Variants in PSD3 observed in about 807,000 individuals in gnomAD.
The protein encoded by PSD3 is pleckstrin and Sec7 domain containing 3, also known as PH and SEC7 domain-containing protein 3.
In PSD3, 49 loss-of-function variants were observed where a neutral mutation model predicts 105.5. The observed-to-expected ratio is 0.46, with a 90% CI of 0.37 to 0.59. PSD3 has a LOEUF of 0.59. Ranked by LOEUF, PSD3 falls within the 20% of genes least tolerant of loss-of-function variation. The pLI, the probability that PSD3 is intolerant of heterozygous loss-of-function variation, is 0.00. For synonymous variants in PSD3, 557 were observed against 457.8 expected (o/e 1.22, Z -2.77); for missense variants, 1,561 against 1,263.8 (o/e 1.24, Z -3.57).
At chr8:18,910,060 T>C (rs1403889242) in intron 2 of PSD3, among the ~76,000 whole-genome samples, 1 of 152,136 alleles carries the variant, frequency 6.6e-6, no homozygotes, top group Non-Finnish European at 1.5e-5. Flanking sequence ...CTCCCCTCCC[T>C]GAATGCCCTG....
At chr8:18,912,922 A>C (rs1372426187) in intron 2 of PSD3, among the ~76,000 whole-genome samples, 1 of 152,076 alleles carries the variant, frequency 6.6e-6, no homozygotes, top group African/African-American at 2.4e-5. Flanking sequence ...AAAAGCCCCA[A>C]GTGGGCTGCT....
chr8:18,949,852 T>A (rs1239516616), intron 1 of PSD3, among the ~76,000 whole-genome samples: 1 of 142,972 alleles, frequency 7.0e-6, no homozygotes, highest in Non-Finnish European at 1.5e-5. Context: ...TAACACTATC[T>A]CTCGTCTTGA....
chr8:18,614,338 C>CA (rs1805491459), intron 11 of PSD3, among the ~76,000 whole-genome samples: 3 of 148,844 alleles, frequency 2.0e-5, no homozygotes, highest in Admixed American at 6.7e-5. Context: ...CCTTCTCCCC[C>CA]ATCCCCCCCC....
intron 1 of PSD3, among the ~76,000 whole-genome samples, chr8:18,954,832 C>G (rs948171926): frequency 6.6e-6 from 1 of 152,136 alleles, no homozygotes. Context: ...GGACCACACA[C>G]TGAGAAACAC....
chr8:19,053,699 G>A (rs372275816), intron 1 of PSD3, among the ~76,000 whole-genome samples: 11 of 152,210 alleles, frequency 7.2e-5, no homozygotes, highest in African/African-American at 2.6e-4. Context: ...GGCTGAGGCA[G>A]GAGAATTGCA....
chr8:18,911,266 G>C (rs1820204314), intron 2 of PSD3, among the ~76,000 whole-genome samples: 1 of 152,160 alleles, frequency 6.6e-6, no homozygotes, highest in South Asian at 2.1e-4. Flanking sequence ...AATAAAGCCA[G>C]AGAAGTTAAA....
At chr8:18,666,348 G>T (rs1799451442) in intron 9 of PSD3, among the ~76,000 whole-genome samples, 2 of 152,230 alleles carry the variant, frequency 1.3e-5, no homozygotes, top group African/African-American at 4.8e-5. Flanking sequence ...ACCTCACCCA[G>T]CTGTGTAAAC....
At chr8:18,853,737 G>C (rs763889325) in intron 4 of PSD3, among the ~76,000 whole-genome samples, 5 of 152,144 alleles carry the variant, frequency 3.3e-5, no homozygotes, top group African/African-American at 4.8e-5. Context: ...ACATGACTAA[G>C]CTCAAATTAG....
intron 4 of PSD3, among the ~76,000 whole-genome samples, chr8:18,843,254 G>C (rs372209208): frequency 6.6e-6 from 1 of 151,740 alleles, no homozygotes; most frequent in African/African-American, 2.4e-5. Context: ...CCAGCTATTC[G>C]GGAGGCTGAG....
At chr8:18,679,221 T>C (rs1037759551) in intron 9 of PSD3, among the ~76,000 whole-genome samples, 2 of 152,214 alleles carry the variant, frequency 1.3e-5, no homozygotes, top group Non-Finnish European at 2.9e-5. Context: ...AAAGGGCCAT[T>C]GTAATGATTT....
chr8:18,810,023 C>T (rs1253361804), intron 4 of PSD3, among the ~76,000 whole-genome samples: 1 of 152,092 alleles, frequency 6.6e-6, no homozygotes, highest in Non-Finnish European at 1.5e-5. Flanking sequence ...AAGCTGACCC[C>T]AATTTCTTTT....
rs575649317 is a variant in PSD3, at chr8:18,575,147, C to T, written c.2620G>A (p.Val874Ile). Reference sequence around the variant, plus strand: ...ACATACTGAGTTTGAAAAAGCAAGACCCTCCAGTCGGCAGTTTTAAGTTTA... The same window carrying T: ...ACATACTGAGTTTGAAAAAGCAAGATCCTCCAGTCGGCAGTTTTAAGTTTA... Reference protein sequence around the residue: ...VFKLKTADWRVLLFQTQSPEE... With the variant: ...VFKLKTADWRILLFQTQSPEE... Residue 874 changes from valine (V) to isoleucine (I), a missense_variant, in exon 13 of 16, where the codon GTC becomes ATC. By Grantham distance (29) the Val-to-Ile change is conservative. Transcript: ENST00000327040. 17 of 1,612,804 alleles carry T rather than the reference C, an allele frequency of 1.1e-5. No individual in the cohort carries two copies. In the South Asian group the frequency reaches 1.4e-4, roughly 14 times the overall value.
At chr8:18,761,007 G>A (rs1806481780) in intron 9 of PSD3, among the ~76,000 whole-genome samples, 1 of 152,118 alleles carries the variant, frequency 6.6e-6, no homozygotes, top group African/African-American at 2.4e-5. Context: ...ATATGAACTA[G>A]TTTGCTTCCT....
intron 1 of PSD3, among the ~76,000 whole-genome samples, chr8:19,052,849 T>G (rs1828580794): frequency 6.6e-6 from 1 of 152,068 alleles, no homozygotes; most frequent in South Asian, 2.1e-4. Flanking sequence ...GAGGGACAGG[T>G]GCTTGGGTGC....
intron 14 of PSD3, among the ~76,000 whole-genome samples, chr8:18,566,932 T>C (rs1335568546): frequency 6.6e-6 from 1 of 152,222 alleles, no homozygotes; most frequent in Non-Finnish European, 1.5e-5. Flanking sequence ...TTGCCTGTTC[T>C]GGGGAAAACA....
chr8:18,542,800 C>G (rs923124053), intron 15 of PSD3, among the ~76,000 whole-genome samples: 2 of 152,138 alleles, frequency 1.3e-5, no homozygotes, highest in Non-Finnish European at 2.9e-5. Flanking sequence ...ATGTGTCTTT[C>G]ATTTACAAGG....
At chr8:18,969,286 T>TG in intron 1 of PSD3, among the ~76,000 whole-genome samples, 1 of 152,304 alleles carries the variant, frequency 6.6e-6, no homozygotes, top group East Asian at 1.9e-4. Context: ...TGACAAAGTG[T>TG]CCTACAAAGC....
intron 9 of PSD3, among the ~76,000 whole-genome samples, chr8:18,748,413 C>A (rs896703010): frequency 2.0e-5 from 3 of 151,986 alleles, no homozygotes; most frequent in Non-Finnish European, 4.4e-5. Flanking sequence ...GTAATCCCAG[C>A]ACTTTGAGAG....
chr8:18,765,569 G>C (rs367812353), intron 8 of PSD3, 31 bp from the exon 9 acceptor site: 1 of 1,454,572 alleles, frequency 6.9e-7, no homozygotes, highest in African/African-American at 1.4e-5. Context: ...ACATCACTAT[G>C]ACATTCATGG....
Sources: allele counts gnomAD v4.1 joint callset (sites outside exome capture counted in the v4.1 genomes callset), GRCh38; gene constraint gnomAD v4.1.1; transcripts MANE v1.5; gene names NCBI Gene and HGNC (gene_info 2026-07-23, HGNC 2026-07-21).